The following SLC30A9 variants were observed in gnomAD, a reference collection of about 807,000 sequenced individuals.
The protein encoded by SLC30A9 is proton-coupled zinc antiporter SLC30A9, mitochondrial.
In SLC30A9, 58 loss-of-function variants were observed where a neutral mutation model predicts 87.5. The observed-to-expected ratio is 0.66, with a 90% confidence interval of 0.54 to 0.82. The LOEUF is 0.82. Among genes scored for constraint, SLC30A9 ranks in the 40% least tolerant of loss-of-function variants. The pLI is 0.00. For missense variants in SLC30A9, 557 were observed against 679.1 expected, an observed-to-expected ratio of 0.82 and a Z score of 2.00; for synonymous variants, 234 against 233.0, an observed-to-expected ratio of 1.00 and a Z score of -0.04.
intron 2 of SLC30A9, among the ~76,000 whole-genome samples, chr4:42,014,185 C>T (rs1290498118): frequency 2.0e-5 from 3 of 152,160 alleles, no homozygotes; most frequent in Non-Finnish European, 2.9e-5. Context: ...AATAAGATAT[C>T]ATCTCACTCC....
At chr4:42,043,000 GAA>G (rs1716985080) in intron 8 of SLC30A9, among the ~76,000 whole-genome samples, 3 of 152,290 alleles carry the variant, frequency 2.0e-5, no homozygotes, top group Admixed American at 6.5e-5. Flanking sequence ...CTGTTAGAAA[GAA>G]AACTAACAAA....
intron 6 of SLC30A9, among the ~76,000 whole-genome samples, chr4:42,025,823 G>A (rs1236900081): frequency 9.2e-5 from 14 of 152,062 alleles, no homozygotes; most frequent in South Asian, 4.2e-4. Context: ...CCGCCACCGC[G>A]CCCAACTAAT....
chr4:42,013,913 G>C (rs1335392040), intron 2 of SLC30A9, among the ~76,000 whole-genome samples: 1 of 152,136 alleles, frequency 6.6e-6, no homozygotes, highest in Non-Finnish European at 1.5e-5. Flanking sequence ...AAGTTAAAAG[G>C]CTTCTGCACA....
At position 42,089,658 on chromosome 4, in the gene SLC30A9, C is replaced by T. The variant is rs1173642585; in HGVS notation, c.*3532C>T. 1.3e-5 allele frequency: 2 copies of T among 152,270 alleles called. No homozygotes were observed. The highest frequency in any genetic ancestry group is 2.9e-5 in the Non-Finnish European group (2 of 68,138). 9.4% of individuals were successfully genotyped at this position (152,270 alleles called of 1,614,324 possible). ...TCTTGAACTGCCGACCTCAGGTGAT[C>T]CGCCCTCCTCGGCTTCCCAAAGTGC... On this transcript the variant is annotated 3_prime_UTR_variant, in exon 18 of 18. Transcript: ENST00000264451.
intron 2 of SLC30A9, among the ~76,000 whole-genome samples, chr4:42,013,578 TA>T (rs752265486): frequency 3.3e-5 from 5 of 152,114 alleles, no homozygotes; most frequent in Non-Finnish European, 5.9e-5. Flanking sequence ...ACAGAGCCCA[TA>T]AGTGAATCCA....
intron 1 of SLC30A9, 114 bp from the exon 2 acceptor site, chr4:42,001,502 G>A: frequency 3.8e-6 from 2 of 527,688 alleles, no homozygotes; most frequent in Non-Finnish European, 6.7e-6. Context: ...TTTACAAAAT[G>A]GTATTTCATG....
rs112384647 is a variant in SLC30A9 at position 42,023,879 on chromosome 4, G to A, written c.610+495G>A. 2.5e-3 allele frequency among the ~76,000 whole-genome samples: 388 copies of A among 152,210 alleles called. 1 individual carries two copies. Among genetic ancestry groups the A allele is most frequent in the African/African-American group, 8.9e-3 (371 of 41,536 alleles). ...AACATGGTGTCAGGCGAGAGACAGC[G>A]TGTGTGTAGGAGGAACTGTCAAACA... On this transcript the variant is annotated intron_variant, in intron 6 of 17. Transcript: ENST00000264451.
At chr4:42,077,912 T>G (rs936172893) in intron 16 of SLC30A9, among the ~76,000 whole-genome samples, 1 of 152,140 alleles carries the variant, frequency 6.6e-6, no homozygotes, top group Non-Finnish European at 1.5e-5. Flanking sequence ...TTTGAATTAT[T>G]TTAATGGTCT....
At chr4:41,997,285 G>A (rs115093211) in intron 1 of SLC30A9, among the ~76,000 whole-genome samples, 2 of 151,962 alleles carry the variant, frequency 1.3e-5, no homozygotes, top group Non-Finnish European at 2.9e-5. Flanking sequence ...AGGATAAAAA[G>A]GATTTTCCTG....
At chr4:42,071,755 AAATT>A (rs1718317910) in intron 15 of SLC30A9, among the ~76,000 whole-genome samples, 2 of 152,262 alleles carry the variant, frequency 1.3e-5, no homozygotes, top group East Asian at 1.9e-4. Context: ...GAGATAATCC[AAATT>A]AATATCCTTT....
intron 1 of SLC30A9, among the ~76,000 whole-genome samples, chr4:42,001,158 A>G (rs1053318638): frequency 7.2e-5 from 11 of 152,100 alleles, no homozygotes; most frequent in African/African-American, 2.7e-4. Context: ...TGATTAAAAA[A>G]TCGGTGACAG....
chr4:42,078,155 A>G lies in SLC30A9; in HGVS notation c.1549-57A>G, dbSNP rs1479752254. 6.3e-6 allele frequency: 5 copies of G among 798,460 alleles called. No individual in the cohort carries two copies. In the East Asian group the frequency reaches 1.3e-4, roughly 21 times the overall value. The allele number at this position is 798,460 out of a possible 1,614,324, so 49.5% of individuals were successfully genotyped here. ...GGTTTGTTTTTTTTTAAGGAGTCAT[A>G]AGTGTACCACTATGGTTTTTTAAAA... On this transcript the variant is annotated intron_variant, in intron 16 of 17. Coordinates refer to ENST00000264451, the MANE Select transcript of SLC30A9 (RefSeq NM_006345.4).
At chr4:42,065,397 T>A in intron 12 of SLC30A9, 48 bp downstream of exon 12, 1 of 973,188 alleles carries the variant, frequency 1.0e-6, no homozygotes, top group Non-Finnish European at 1.6e-6. Flanking sequence ...TAGTAATATA[T>A]ATTCAGCTGT....
intron 1 of SLC30A9, among the ~76,000 whole-genome samples, chr4:41,999,769 T>A (rs570250449): frequency 2.0e-5 from 3 of 152,222 alleles, no homozygotes; most frequent in African/African-American, 7.2e-5. Context: ...CTGGATCTAT[T>A]CACATAGAAA....
chr4:42,012,919 A>G (rs1321944117), intron 2 of SLC30A9, among the ~76,000 whole-genome samples: 1 of 152,236 alleles, frequency 6.6e-6, no homozygotes, highest in African/African-American at 2.4e-5. Flanking sequence ...AACTATTGAT[A>G]ATAAAACAGT....
intron 6 of SLC30A9, chr4:42,029,710 C>A (rs763087533): frequency 1.3e-6 from 1 of 743,322 alleles, no homozygotes; most frequent in Non-Finnish European, 2.5e-6. Context: ...AATGACAAAA[C>A]TTACAGCTAC....
intron 14 of SLC30A9, chr4:42,070,204 T>A (rs140968384): frequency 2.9e-4 from 56 of 193,684 alleles, no homozygotes; most frequent in African/African-American, 1.1e-3. Context: ...TGGATATATC[T>A]AAAAGAAATG....
intron 8 of SLC30A9, among the ~76,000 whole-genome samples, chr4:42,044,222 A>G (rs1717045515): frequency 1.3e-5 from 2 of 152,162 alleles, no homozygotes; most frequent in African/African-American, 4.8e-5. Context: ...TTAACCTTAA[A>G]TAGAAACAGG....
intron 4 of SLC30A9, among the ~76,000 whole-genome samples, chr4:42,021,519 G>A (rs1401916538): frequency 6.6e-6 from 1 of 152,096 alleles, no homozygotes; most frequent in African/African-American, 2.4e-5. Flanking sequence ...ATTAAATATA[G>A]AATGACTATT....
Sources: gnomAD v4.1 joint callset for allele counts (sites outside exome capture counted in the v4.1 genomes callset) on GRCh38, gnomAD v4.1.1 for gene constraint, MANE v1.5 for transcripts, NCBI Gene and HGNC (gene_info 2026-07-23, HGNC 2026-07-21) for gene names.